TK2: variants seen among roughly 807,000 people sequenced by gnomAD.
The protein encoded by TK2 is thymidine kinase 2, mitochondrial.
Under a neutral mutation model 41.9 loss-of-function variants are expected in TK2, and 35 were observed. The ratio of observed to expected loss-of-function variants is 0.84; its 90% CI spans 0.64 to 1.11. The LOEUF (loss-of-function observed/expected upper bound fraction) is 1.11. Among genes scored for constraint, TK2 ranks in the 50% least tolerant of loss-of-function variants. The pLI is 0.00. For synonymous variants in TK2, 128 were observed against 129.1 expected, an observed-to-expected ratio of 0.99 and a Z score of 0.06; for missense variants, 320 against 351.1, an observed-to-expected ratio of 0.91 and a Z score of 0.71.
chr16:66,529,625 C>T (rs7191420), intron 5 of TK2, among the ~76,000 whole-genome samples: 8,491 of 152,198 alleles, frequency 0.056, 776 homozygotes, highest in African/African-American at 0.19. Flanking sequence ...GATGCTCAAA[C>T]CCTCTGCAGA....
intron 3 of TK2, among the ~76,000 whole-genome samples, chr16:66,538,044 T>C (rs1247443097): frequency 6.6e-6 from 1 of 152,076 alleles, no homozygotes; most frequent in African/African-American, 2.4e-5. Context: ...ATGCCTGTAA[T>C]CCCAGATACT....
At chr16:66,525,856 C>T (rs1446397240) in intron 6 of TK2, among the ~76,000 whole-genome samples, 3 of 152,164 alleles carry the variant, frequency 2.0e-5, no homozygotes, top group Admixed American at 6.5e-5. Flanking sequence ...AGAGGCCATG[C>T]ATTCTGGGAG....
chr16:66,511,801 G>T lies in TK2; in HGVS notation c.*167C>A. The T allele has an allele frequency of 2.9e-6, 2 of 687,216 alleles. No individual in the cohort carries two copies. The highest frequency in any genetic ancestry group is 5.2e-6 in the Non-Finnish European group (2 of 381,298). 42.6% of individuals were successfully genotyped at this position (687,216 alleles called of 1,614,324 possible). A position where few individuals can be genotyped will look rare whatever the true frequency, so the allele number is the denominator to read the frequency against. On this transcript the variant is annotated 3_prime_UTR_variant, in exon 10 of 10. Coordinates refer to ENST00000544898, the MANE Select transcript of TK2 (RefSeq NM_004614.5). ...TCCCGTTTGTCATTTACCCACGAGG[G>T]CCAGAGACGCATGACAAAGACACTA...
At position 66,549,971 on chromosome 16, in the gene TK2, G is replaced by A. The variant is rs1420706804; in HGVS notation, c.91C>T (p.Pro31Ser). The A allele has an allele frequency of 2.0e-6, 3 of 1,482,158 alleles. No individual in the cohort carries two copies. Among genetic ancestry groups the A allele is most frequent in the Non-Finnish European group, 2.7e-6 (3 of 1,125,610 alleles). 91.8% of individuals were successfully genotyped at this position (1,482,158 alleles called of 1,614,324 possible). A position where few individuals can be genotyped will look rare whatever the true frequency, so the allele number is the denominator to read the frequency against. ...SRGSPASGPG[P>S]RRVQRRAWPP... ...CAGGCCCGGCGCTGCACCCTCCGCG[G>A]CCCGGGGCCTGAGGCCGGGCTCCCG... The change falls in exon 1 of 10, where the codon CCG (proline) becomes TCG (serine). Residue 31 changes from proline (P) to serine (S), a missense_variant. Transcript: ENST00000544898.
intron 8 of TK2, among the ~76,000 whole-genome samples, chr16:66,516,777 C>T (rs1039429350): frequency 3.3e-5 from 5 of 152,034 alleles, no homozygotes; most frequent in African/African-American, 7.2e-5. Flanking sequence ...TCCTGGAACT[C>T]GCATTCTAGG....
At chr16:66,534,928 T>C (rs1965228762) in intron 4 of TK2, among the ~76,000 whole-genome samples, 2 of 152,248 alleles carry the variant, frequency 1.3e-5, no homozygotes, top group African/African-American at 4.8e-5. Flanking sequence ...AGTGATCCTC[T>C]GATCTTGGCC....
At chr16:66,543,120 C>T (rs922434086) in intron 2 of TK2, among the ~76,000 whole-genome samples, 3 of 152,290 alleles carry the variant, frequency 2.0e-5, no homozygotes, top group Non-Finnish European at 4.4e-5. Context: ...GTGATCCACC[C>T]GCCTCAGCCT....
rs886052206 is a variant in TK2 at position 66,511,159 on chromosome 16, G to C, written c.*809C>G. 6.6e-6 allele frequency: 1 copy of C among 152,488 alleles called. No homozygotes were observed. Among genetic ancestry groups the C allele is most frequent in the Non-Finnish European group, 1.5e-5 (1 of 68,350 alleles). The allele number at this position is 152,488 out of a possible 1,614,324, so 9.4% of individuals were successfully genotyped here. A position where few individuals can be genotyped will look rare whatever the true frequency, so the allele number is the denominator to read the frequency against. ...CATGGAGTTGGCAGCAGTTCAAGCA[G>C]GACCTTAATCACCAAGGAGACTGAG... On this transcript the variant is annotated 3_prime_UTR_variant, in exon 10 of 10. Coordinates refer to ENST00000544898, the MANE Select transcript of TK2 (RefSeq NM_004614.5).
At chr16:66,547,165 C>A (rs920670588) in intron 2 of TK2, among the ~76,000 whole-genome samples, 3 of 152,294 alleles carry the variant, frequency 2.0e-5, no homozygotes, top group Admixed American at 6.5e-5. Flanking sequence ...CACCCAGACA[C>A]CTTTAACACT....
At chr16:66,538,120 G>A (rs1412300420) in intron 3 of TK2, among the ~76,000 whole-genome samples, 8 of 152,018 alleles carry the variant, frequency 5.3e-5, no homozygotes, top group Admixed American at 1.3e-4. Context: ...CCAAGATCGC[G>A]CTACTGCACT....
chr16:66,511,840 G>A lies in TK2; in HGVS notation c.*128C>T. Reference sequence around the variant, plus strand: ...ACAAAGACACTAGCAAAGGAGATGAGACCATTAGGAAAATCAAGCTGGCCA... The same window carrying A: ...ACAAAGACACTAGCAAAGGAGATGAAACCATTAGGAAAATCAAGCTGGCCA... On this transcript the variant is annotated 3_prime_UTR_variant, in exon 10 of 10. Transcript: ENST00000544898. 1.3e-6 allele frequency: 1 copy of A among 781,188 alleles called. No individual in the cohort carries two copies. The highest frequency in any genetic ancestry group is 2.2e-6 in the Non-Finnish European group (1 of 447,794). The allele number at this position is 781,188 out of a possible 1,614,324, so 48.4% of individuals were successfully genotyped here.
At position 66,529,033 on chromosome 16, in the gene TK2, T is replaced by C. The variant is rs1333025103; in HGVS notation, c.410A>G (p.His137Arg). The change falls in exon 6 of 10, where the codon CAC (histidine) becomes CGC (arginine). Residue 137 changes from histidine to arginine, a missense_variant. His to Arg is a conservative substitution (Grantham distance 29). Coordinates refer to ENST00000544898, the MANE Select transcript of TK2 (RefSeq NM_004614.5). The part of the protein sequence containing the change: ...SSVRLMERSI[H>R]SARYIFVENL... The stretch of plus-strand genomic sequence containing the variant: ...TTCTACAAAAATGTATCTTGCGCTG[T>C]GAATCGACCTCTCCATCAACCGTAC... The C allele has an allele frequency of 6.2e-7, 1 of 1,614,006 alleles. No individual in the cohort carries two copies. The highest frequency in any genetic ancestry group is 8.5e-7 in the Non-Finnish European group (1 of 1,180,044).
At chr16:66,548,353 G>A (rs555531601) in intron 2 of TK2, among the ~76,000 whole-genome samples, 4 of 152,198 alleles carry the variant, frequency 2.6e-5, no homozygotes, top group African/African-American at 9.6e-5. Context: ...CTGGAGCTAG[G>A]GACTTTCAGT....
intron 3 of TK2, among the ~76,000 whole-genome samples, chr16:66,539,041 T>C (rs567414116): frequency 3.9e-5 from 6 of 152,288 alleles, no homozygotes; most frequent in Admixed American, 3.9e-4. Context: ...ATTTAGTATT[T>C]ATGATGAACC....
chr16:66,513,640 G>T, intron 9 of TK2, 91 bp downstream of exon 9: 1 of 1,166,356 alleles, frequency 8.6e-7, no homozygotes, highest in Non-Finnish European at 1.3e-6. Flanking sequence ...CTAAAGGACT[G>T]TGCCCTCCCC....
At chr16:66,543,537 G>C (rs897177545) in intron 2 of TK2, among the ~76,000 whole-genome samples, 2 of 152,180 alleles carry the variant, frequency 1.3e-5, no homozygotes, top group African/African-American at 4.8e-5. Flanking sequence ...GGCACACACA[G>C]AGAGGGGCCC....
At chr16:66,537,063 C>T (rs944771796) in intron 3 of TK2, 46 bp from the exon 4 acceptor site, 1 of 1,608,848 alleles carries the variant, frequency 6.2e-7, no homozygotes, top group South Asian at 1.1e-5. Flanking sequence ...CTGTGCTGAA[C>T]CCTGTAAAAG....
At chr16:66,533,645 C>A (rs758296630) in intron 4 of TK2, among the ~76,000 whole-genome samples, 44 of 152,186 alleles carry the variant, frequency 2.9e-4, no homozygotes, top group Admixed American at 1.4e-3. Flanking sequence ...TTGAATGAAT[C>A]CCCTAAATTT....
At chr16:66,529,566 C>T (rs1221872592) in intron 5 of TK2, among the ~76,000 whole-genome samples, 1 of 152,188 alleles carries the variant, frequency 6.6e-6, no homozygotes, top group African/African-American at 2.4e-5. Context: ...CTGGTAAGAA[C>T]GATGCCCAAG....
Sources: allele counts gnomAD v4.1 joint callset (sites outside exome capture counted in the v4.1 genomes callset), GRCh38; gene constraint gnomAD v4.1.1; transcripts MANE v1.5; gene names NCBI Gene and HGNC (gene_info 2026-07-23, HGNC 2026-07-21).